SORCS2: variants seen among roughly 807,000 people sequenced by gnomAD.
SORCS2 encodes the protein sortilin related VPS10 domain containing receptor 2, also known as VPS10 domain-containing receptor SorCS2.
Under a neutral mutation model 141.6 loss-of-function variants are expected in SORCS2, and 100 were observed. That is an observed-to-expected ratio of 0.71 (90% CI 0.60 to 0.83). The LOEUF (loss-of-function observed/expected upper bound fraction) is 0.83. Ranked by LOEUF, SORCS2 falls within the 40% of genes least tolerant of loss-of-function variation. SORCS2 has a pLI of 0.00. For missense variants in SORCS2, 1,646 were observed against 1,560.2 expected (o/e 1.05, Z -0.93); for synonymous variants, 789 against 676.9 (o/e 1.17, Z -2.57).
chr4:7,376,293 C>G (rs959383402), intron 1 of SORCS2, among the ~76,000 whole-genome samples: 1 of 147,710 alleles, frequency 6.8e-6, no homozygotes, highest in Non-Finnish European at 1.5e-5. Flanking sequence ...AAAAAAAATA[C>G]TGGCTGGGCA....
intron 5 of SORCS2, among the ~76,000 whole-genome samples, chr4:7,661,087 T>G (rs1003834513): frequency 1.3e-5 from 2 of 152,192 alleles, no homozygotes; most frequent in African/African-American, 4.8e-5. Context: ...GTCCCAGGCC[T>G]GCCTGCCTCC....
chr4:7,354,824 C>T (rs1721151548), intron 1 of SORCS2, among the ~76,000 whole-genome samples: 1 of 152,184 alleles, frequency 6.6e-6, no homozygotes, highest in Non-Finnish European at 1.5e-5. Flanking sequence ...GTAAGTGAAA[C>T]CCAGACTTGA....
intron 3 of SORCS2, among the ~76,000 whole-genome samples, chr4:7,579,354 C>T (rs1400310024): frequency 6.6e-6 from 1 of 152,136 alleles, no homozygotes; most frequent in Admixed American, 6.5e-5. Flanking sequence ...GCCACACCCA[C>T]CCGTGTGTGT....
At chr4:7,671,310 A>C (rs1722783566) in intron 8 of SORCS2, among the ~76,000 whole-genome samples, 1 of 151,962 alleles carries the variant, frequency 6.6e-6, no homozygotes, top group African/African-American at 2.4e-5. Context: ...TACGAGGCAT[A>C]CAAAGAAACA....
intron 1 of SORCS2, among the ~76,000 whole-genome samples, chr4:7,307,809 T>G (rs1717932345): frequency 6.6e-6 from 1 of 151,722 alleles, no homozygotes. Context: ...GGTGTGTGTA[T>G]GAGTGTGCAT....
At chr4:7,443,159 A>G (rs1020773247) in intron 2 of SORCS2, among the ~76,000 whole-genome samples, 3 of 152,212 alleles carry the variant, frequency 2.0e-5, no homozygotes, top group Non-Finnish European at 4.4e-5. Context: ...ATTATGTCAG[A>G]TCACAGGTAC....
chr4:7,198,168 G>A (rs1255948457), intron 1 of SORCS2, among the ~76,000 whole-genome samples: 1 of 152,158 alleles, frequency 6.6e-6, no homozygotes, highest in South Asian at 2.1e-4. Flanking sequence ...GAGGAGAGTG[G>A]GCTGGAGAGA....
intron 1 of SORCS2, among the ~76,000 whole-genome samples, chr4:7,256,372 C>T (rs899515170): frequency 6.6e-6 from 1 of 152,142 alleles, no homozygotes; most frequent in Non-Finnish European, 1.5e-5. Context: ...ATGTTGACAA[C>T]CAATTAAAAA....
At chr4:7,649,470 G>C (rs1008269913) in intron 4 of SORCS2, among the ~76,000 whole-genome samples, 3 of 152,126 alleles carry the variant, frequency 2.0e-5, no homozygotes, top group Non-Finnish European at 4.4e-5. Context: ...CAGGACCGAG[G>C]GCTGAGAGCA....
At chr4:7,390,389 CA>C (rs1723777988) in intron 1 of SORCS2, among the ~76,000 whole-genome samples, 1 of 152,132 alleles carries the variant, frequency 6.6e-6, no homozygotes, top group East Asian at 1.9e-4. Context: ...TGGAGGTGCT[CA>C]GAACGTTTCT....
chr4:7,724,033 G>A (rs1432327622), intron 19 of SORCS2, 150 bp downstream of exon 19: 27 of 845,748 alleles, frequency 3.2e-5, no homozygotes, highest in Middle Eastern at 3.2e-4. Flanking sequence ...GGGAGGCTGG[G>A]CTCAAACCCG....
chr4:7,385,225 G>A (rs1723219158), intron 1 of SORCS2, among the ~76,000 whole-genome samples: 1 of 152,214 alleles, frequency 6.6e-6, no homozygotes, highest in Non-Finnish European at 1.5e-5. Context: ...TGAGCCTAAT[G>A]TGATACCCAC....
chr4:7,278,290 G>C (rs187226669), intron 1 of SORCS2, among the ~76,000 whole-genome samples: 24 of 152,332 alleles, frequency 1.6e-4, no homozygotes, highest in African/African-American at 5.5e-4. Flanking sequence ...TAAGCGCATT[G>C]CCAGCACTGA....
intron 3 of SORCS2, among the ~76,000 whole-genome samples, chr4:7,631,211 C>T (rs932832273): frequency 6.6e-6 from 1 of 151,518 alleles, no homozygotes; most frequent in Non-Finnish European, 1.5e-5. Flanking sequence ...CAGCGTCCCG[C>T]GGGCCGGGGA....
chr4:7,704,094 C>G, intron 13 of SORCS2, 83 bp from the exon 14 acceptor site: 1 of 1,318,610 alleles, frequency 7.6e-7, no homozygotes, highest in Non-Finnish European at 1.1e-6. Context: ...CTCCGCCCCT[C>G]CAGCTGGACC....
At chr4:7,420,459 G>C (rs909522105) in intron 2 of SORCS2, among the ~76,000 whole-genome samples, 2 of 152,190 alleles carry the variant, frequency 1.3e-5, no homozygotes, top group African/African-American at 4.8e-5. Flanking sequence ...AGTGTCCAGG[G>C]CTCAGGTCCA....
chr4:7,301,679 A>T (rs1717440778), intron 1 of SORCS2, among the ~76,000 whole-genome samples: 1 of 152,176 alleles, frequency 6.6e-6, no homozygotes, highest in African/African-American at 2.4e-5. Context: ...GAGTGTCGTG[A>T]ATCTTTGTGG....
chr4:7,734,545 A>G (rs1179061810), intron 25 of SORCS2, among the ~76,000 whole-genome samples, 171 bp downstream of exon 25: 1 of 151,782 alleles, frequency 6.6e-6, no homozygotes, highest in Non-Finnish European at 1.5e-5. Context: ...CTGGCTCTGT[A>G]CCACCTGTGG....
chr4:7,711,672 C>T (rs1395867191), intron 14 of SORCS2, among the ~76,000 whole-genome samples: 1 of 152,226 alleles, frequency 6.6e-6, no homozygotes, highest in Non-Finnish European at 1.5e-5. Flanking sequence ...GAGTGATGGG[C>T]ACACAGCAAT....
Sources: gnomAD v4.1 joint callset for allele counts (sites outside exome capture counted in the v4.1 genomes callset) on GRCh38, gnomAD v4.1.1 for gene constraint, MANE v1.5 for transcripts, NCBI Gene and HGNC (gene_info 2026-07-23, HGNC 2026-07-21) for gene names.